Variants in CRACR2A observed in about 807,000 individuals in gnomAD.
CRACR2A encodes calcium release activated channel regulator 2A, also known as EF-hand calcium-binding domain-containing protein 4B.
Under a neutral mutation model 90.5 loss-of-function variants are expected in CRACR2A, and 79 were observed. The ratio of observed to expected loss-of-function variants is 0.87; its 90% CI spans 0.73 to 1.05. The LOEUF is 1.05. CRACR2A is among the 50% of genes least tolerant of loss of function. The pLI is 0.00. For synonymous variants in CRACR2A, 338 were observed against 356.7 expected (o/e 0.95, Z 0.59); for missense variants, 823 against 897.2 (o/e 0.92, Z 1.06).
intron 4 of CRACR2A, among the ~76,000 whole-genome samples, chr12:3,691,288 C>G (rs570828696): frequency 6.6e-6 from 1 of 152,306 alleles, no homozygotes; most frequent in East Asian, 1.9e-4. Context: ...GTAACAGTCT[C>G]TCCTTTCATA....
rs140252871 is a variant in CRACR2A at position 3,630,736 on chromosome 12, C to G, written c.1735+2868G>C. 3.4e-3 allele frequency among the ~76,000 whole-genome samples: 519 copies of G among 152,360 alleles called. 5 individuals carry two copies. The highest frequency in any genetic ancestry group is 0.012 in the African/African-American group (488 of 41,588). ...TCTGCTAAAACCATCCGTGCTGCCTCCAGGATGCCCGCAGGGCTCAAGCAC... is the reference window on the plus strand; with the variant it reads ...TCTGCTAAAACCATCCGTGCTGCCTGCAGGATGCCCGCAGGGCTCAAGCAC... On this transcript the variant is annotated intron_variant, in intron 15 of 19. Coordinates refer to ENST00000440314, the MANE Select transcript of CRACR2A (RefSeq NM_001144958.2).
At chr12:3,635,970 A>T (rs1403811702) in intron 14 of CRACR2A, among the ~76,000 whole-genome samples, 3 of 152,234 alleles carry the variant, frequency 2.0e-5, no homozygotes, top group Admixed American at 6.5e-5. Context: ...TAACTTACAA[A>T]TTTTTTTAGT....
At position 3,668,274 on chromosome 12, in the gene CRACR2A, T is replaced by A. The variant is rs566188925; in HGVS notation, c.671+5172A>T. ...TGGAAGGGCACCATGGGATATACCTTTTGCTGGCTGACTGATTCTGGAAGA... is the reference window on the plus strand; with the variant it reads ...TGGAAGGGCACCATGGGATATACCTATTGCTGGCTGACTGATTCTGGAAGA... On this transcript the variant is annotated intron_variant, in intron 7 of 19. Transcript: ENST00000440314. 2.6e-5 allele frequency among the ~76,000 whole-genome samples: 4 copies of A among 152,278 alleles called. No individual in the cohort carries two copies. In the South Asian group the frequency reaches 6.2e-4, roughly 24 times the overall value.
chr12:3,672,837 C>A, intron 7 of CRACR2A: 1 of 983,712 alleles, frequency 1.0e-6, no homozygotes, highest in Non-Finnish European at 1.2e-6. Flanking sequence ...CTGGAGAGGT[C>A]TTGGAGGCAA....
At chr12:3,643,906 ATATATTTATAT>A (rs1463938166) in intron 12 of CRACR2A, among the ~76,000 whole-genome samples, 1 of 109,710 alleles carries the variant, frequency 9.1e-6, no homozygotes. Context: ...TATATATTAT[ATATATTTATAT>A]TATATATATA....
At chr12:3,658,548 C>T (rs1281368835) in intron 8 of CRACR2A, among the ~76,000 whole-genome samples, 1 of 152,130 alleles carries the variant, frequency 6.6e-6, no homozygotes, top group East Asian at 1.9e-4. Flanking sequence ...GACAAGCCTC[C>T]AGAGGGCGCT....
chr12:3,705,999 T>C (rs1037982825), intron 3 of CRACR2A, among the ~76,000 whole-genome samples: 3 of 152,170 alleles, frequency 2.0e-5, no homozygotes, highest in Admixed American at 6.5e-5. Flanking sequence ...GAGTGGCTGA[T>C]GTTTCTGGAA....
At chr12:3,739,483 T>C (rs1946492589) in intron 1 of CRACR2A, among the ~76,000 whole-genome samples, 1 of 152,214 alleles carries the variant, frequency 6.6e-6, no homozygotes, top group South Asian at 2.1e-4. Context: ...AAATAAGACA[T>C]TGCTAACAAC....
chr12:3,709,599 G>A (rs1945979164), intron 3 of CRACR2A, among the ~76,000 whole-genome samples: 1 of 152,200 alleles, frequency 6.6e-6, no homozygotes, highest in African/African-American at 2.4e-5. Context: ...CCAACATGGT[G>A]AAACTCCGTC....
intron 11 of CRACR2A, among the ~76,000 whole-genome samples, chr12:3,645,470 G>T (rs1188708412): frequency 6.6e-6 from 1 of 152,106 alleles, no homozygotes; most frequent in East Asian, 1.9e-4. Context: ...TACGAACTTT[G>T]ATTTTTACTC....
At chr12:3,701,674 A>C (rs1945836284) in intron 3 of CRACR2A, among the ~76,000 whole-genome samples, 2 of 152,188 alleles carry the variant, frequency 1.3e-5, no homozygotes, top group Admixed American at 1.3e-4. Context: ...CCTGATAGTT[A>C]AACAAAAAAT....
At chr12:3,616,590 T>C (rs939291752) in intron 19 of CRACR2A, among the ~76,000 whole-genome samples, 1 of 152,228 alleles carries the variant, frequency 6.6e-6, no homozygotes, top group African/African-American at 2.4e-5. Context: ...GGCTTCCAGC[T>C]AGTCCCTGCT....
intron 2 of CRACR2A, among the ~76,000 whole-genome samples, chr12:3,724,435 A>G (rs1019144138): frequency 6.6e-6 from 1 of 152,216 alleles, no homozygotes; most frequent in Non-Finnish European, 1.5e-5. Flanking sequence ...GCGCTTCATC[A>G]TGCAGTGCCC....
chr12:3,735,132 C>T (rs957619464), intron 1 of CRACR2A, among the ~76,000 whole-genome samples: 3 of 152,150 alleles, frequency 2.0e-5, no homozygotes, highest in African/African-American at 7.2e-5. Context: ...GCTATCATTT[C>T]ATAATATACA....
chr12:3,640,873 C>A, intron 13 of CRACR2A: 1 of 1,256,966 alleles, frequency 8.0e-7, no homozygotes, highest in Non-Finnish European at 1.0e-6. Context: ...TACTCAAGCT[C>A]AATCATGTGC....
At chr12:3,698,744 C>A (rs760485637) in intron 3 of CRACR2A, among the ~76,000 whole-genome samples, 3 of 152,188 alleles carry the variant, frequency 2.0e-5, no homozygotes, top group Non-Finnish European at 4.4e-5. Flanking sequence ...TGGATGGAAG[C>A]CTGAGGGGGC....
rs764811693 is a variant in CRACR2A at position 3,673,522 on chromosome 12, C to G, written c.595G>C (p.Asp199His). The G allele has an allele frequency of 3.1e-6, 5 of 1,614,124 alleles. No individual in the cohort carries two copies. The South Asian group carries it at 5.5e-5, about 18-fold the overall frequency. Residue 199 changes from aspartate to histidine, a missense_variant, in exon 7 of 20, where the codon GAC becomes CAC. Asp to His is a moderately conservative substitution (Grantham distance 81, BLOSUM62 -1). Coordinates refer to ENST00000440314, the MANE Select transcript of CRACR2A (RefSeq NM_001144958.2). Reference sequence around the variant, plus strand: ...TGGGAGATGATTCTGGTCAGGAAGTCTTCAAAGTTGGACAGTAAATGAGGT... The same window carrying G: ...TGGGAGATGATTCTGGTCAGGAAGTGTTCAAAGTTGGACAGTAAATGAGGT... ...EEPHLLSNFE[D>H]FLTRIISQLQ...
At chr12:3,634,539 A>G (rs1357124178) in intron 14 of CRACR2A, among the ~76,000 whole-genome samples, 1 of 152,186 alleles carries the variant, frequency 6.6e-6, no homozygotes, top group Non-Finnish European at 1.5e-5. Flanking sequence ...GAGGTAGAGT[A>G]AGGAGCCACC....
At chr12:3,665,456 A>G (rs959331667) in intron 7 of CRACR2A, among the ~76,000 whole-genome samples, 5 of 152,244 alleles carry the variant, frequency 3.3e-5, no homozygotes, top group African/African-American at 1.2e-4. Context: ...AGTGTCCTAT[A>G]TCTGAAAAAT....
Sources: gnomAD v4.1 joint callset for allele counts (sites outside exome capture counted in the v4.1 genomes callset) on GRCh38, gnomAD v4.1.1 for gene constraint, MANE v1.5 for transcripts, NCBI Gene and HGNC (gene_info 2026-07-23, HGNC 2026-07-21) for gene names.